Variants in ADIPOR2 observed in about 807,000 individuals in gnomAD.
ADIPOR2 encodes adiponectin receptor protein 2.
ADIPOR2 carries 18 observed loss-of-function variants against 40.9 expected under a neutral mutation model. The observed-to-expected ratio is 0.44, with a 90% confidence interval of 0.30 to 0.65. The LOEUF is 0.65. Ranked by LOEUF, ADIPOR2 falls within the 30% of genes least tolerant of loss-of-function variation. The pLI, the probability that ADIPOR2 is intolerant of heterozygous loss-of-function variation, is 0.09. For missense variants in ADIPOR2, 283 were observed against 479.2 expected (o/e 0.59, Z 3.82); for synonymous variants, 165 against 166.4 (o/e 0.99, Z 0.06).
intron 1 of ADIPOR2, among the ~76,000 whole-genome samples, chr12:1,741,685 A>G (rs2094743167): frequency 6.6e-6 from 1 of 152,234 alleles, no homozygotes. Context: ...GGGAATTCAT[A>G]GTTTGCCATA....
At chr12:1,731,817 G>A (rs1006267417) in intron 1 of ADIPOR2, among the ~76,000 whole-genome samples, 2 of 152,228 alleles carry the variant, frequency 1.3e-5, no homozygotes, top group East Asian at 1.9e-4. Context: ...AAAATTAGCC[G>A]GGCGTGGTGG....
rs1429122243 is a variant in ADIPOR2 at position 1,783,332 on chromosome 12, A to G, written c.839-548A>G. Among the ~76,000 whole-genome samples, 3 of 151,794 alleles carry G rather than the reference A, an allele frequency of 2.0e-5. No homozygotes were observed. In the East Asian group the frequency reaches 5.8e-4, roughly 29 times the overall value. Reference sequence around the variant, plus strand: ...CTGTCCTTTCCGAAAACATTTAGCAACATTAATTCAAAACCCTTGAAGACT... The same window carrying G: ...CTGTCCTTTCCGAAAACATTTAGCAGCATTAATTCAAAACCCTTGAAGACT... On this transcript the variant is annotated intron_variant, in intron 6 of 7. Coordinates refer to ENST00000357103, the MANE Select transcript of ADIPOR2 (RefSeq NM_024551.3).
chr12:1,756,623 G>A (rs1007778202), intron 2 of ADIPOR2, among the ~76,000 whole-genome samples: 1 of 151,994 alleles, frequency 6.6e-6, no homozygotes, highest in African/African-American at 2.4e-5. Flanking sequence ...CTGGCACGTG[G>A]GCAGCTTTTG....
chr12:1,759,995 C>T (rs1862233160), intron 2 of ADIPOR2, among the ~76,000 whole-genome samples: 1 of 151,898 alleles, frequency 6.6e-6, no homozygotes, highest in African/African-American at 2.4e-5. Context: ...CGCTGCACTC[C>T]AGCCTGGGTG....
chr12:1,770,565 C>T (rs562162500), intron 2 of ADIPOR2, among the ~76,000 whole-genome samples: 5 of 152,162 alleles, frequency 3.3e-5, no homozygotes, highest in Admixed American at 6.5e-5. Context: ...ATTTTAATTT[C>T]GTGTTTAATT....
At chr12:1,718,446 C>G (rs183285722) in intron 1 of ADIPOR2, among the ~76,000 whole-genome samples, 73 of 151,940 alleles carry the variant, frequency 4.8e-4, no homozygotes, top group African/African-American at 1.3e-3. Flanking sequence ...GGTGACAAAA[C>G]AAATTCAGAT....
intron 1 of ADIPOR2, among the ~76,000 whole-genome samples, chr12:1,747,076 C>A (rs1016373431): frequency 5.0e-5 from 7 of 140,576 alleles, no homozygotes; most frequent in Admixed American, 1.5e-4. Context: ...ATAAAAAAAA[C>A]AAAACAAAAC....
chr12:1,724,463 G>C (rs2094703930), intron 1 of ADIPOR2, among the ~76,000 whole-genome samples: 1 of 152,142 alleles, frequency 6.6e-6, no homozygotes, highest in African/African-American at 2.4e-5. Context: ...GAGACAGAAA[G>C]AATGGTAATT....
At chr12:1,747,626 G>A (rs767163998) in intron 1 of ADIPOR2, among the ~76,000 whole-genome samples, 2 of 151,970 alleles carry the variant, frequency 1.3e-5, no homozygotes, top group South Asian at 2.1e-4. Flanking sequence ...CTGTTTTATT[G>A]CTTTTTAAAA....
At chr12:1,760,457 C>T (rs1355824994) in intron 2 of ADIPOR2, among the ~76,000 whole-genome samples, 2 of 152,138 alleles carry the variant, frequency 1.3e-5, no homozygotes, top group Non-Finnish European at 2.9e-5. Flanking sequence ...CCTAAAGAAA[C>T]CTTAACCCAT....
chr12:1,752,091 T>C (rs1316747458), intron 1 of ADIPOR2, among the ~76,000 whole-genome samples: 1 of 151,326 alleles, frequency 6.6e-6, no homozygotes, highest in Non-Finnish European at 1.5e-5. Context: ...GTATTTTTAG[T>C]AGAGACTAAT....
Position 1,786,314 on chromosome 12 carries a change from T to A in ADIPOR2, c.*242T>A, listed in dbSNP as rs1862834113. 4.3e-6 allele frequency: 2 copies of A among 463,284 alleles called. No homozygotes were observed. Among genetic ancestry groups the A allele is most frequent in the African/African-American group, 2.0e-5 (1 of 50,944 alleles). 28.7% of individuals were successfully genotyped at this position (463,284 alleles called of 1,614,324 possible). ...AAGGAGACATAGCCCAAACCCTGGC[T>A]TATTCTTGGGATCTACTGATTGCGG... On this transcript the variant is annotated 3_prime_UTR_variant, in exon 8 of 8. Coordinates refer to ENST00000357103, the MANE Select transcript of ADIPOR2 (RefSeq NM_024551.3).
At chr12:1,757,686 A>G in intron 2 of ADIPOR2, 1 of 1,317,588 alleles carries the variant, frequency 7.6e-7, no homozygotes, top group Non-Finnish European at 1.1e-6. Flanking sequence ...TAGGATGTAC[A>G]GCAAAGCGAC....
intron 1 of ADIPOR2, among the ~76,000 whole-genome samples, chr12:1,728,822 G>A (rs752307637): frequency 6.6e-6 from 1 of 152,058 alleles, no homozygotes; most frequent in Non-Finnish European, 1.5e-5. Flanking sequence ...TGTGTTAGTA[G>A]AATAAAAATG....
chr12:1,699,581 G>A (rs376981171), intron 1 of ADIPOR2, among the ~76,000 whole-genome samples: 82 of 152,330 alleles, frequency 5.4e-4, no homozygotes, highest in African/African-American at 1.6e-3. Flanking sequence ...AACCCGGGAG[G>A]CAGAGGTTGC....
At chr12:1,735,477 A>T (rs1323506901) in intron 1 of ADIPOR2, among the ~76,000 whole-genome samples, 2 of 152,218 alleles carry the variant, frequency 1.3e-5, no homozygotes, top group Non-Finnish European at 2.9e-5. Flanking sequence ...GTTGCCTATC[A>T]GCTTAAGGAG....
At chr12:1,726,031 G>T (rs1295600698) in intron 1 of ADIPOR2, among the ~76,000 whole-genome samples, 1 of 152,064 alleles carries the variant, frequency 6.6e-6, no homozygotes, top group African/African-American at 2.4e-5. Flanking sequence ...ATCTCTCCTG[G>T]ATTAGTGTTA....
intron 1 of ADIPOR2, among the ~76,000 whole-genome samples, chr12:1,706,327 A>G (rs995090319): frequency 3.3e-5 from 5 of 152,238 alleles, no homozygotes; most frequent in South Asian, 2.1e-4. Context: ...GGTAACTTCT[A>G]TTAATAAAAT....
At chr12:1,743,498 C>A (rs1029206904) in intron 1 of ADIPOR2, among the ~76,000 whole-genome samples, 3 of 152,018 alleles carry the variant, frequency 2.0e-5, no homozygotes, top group African/African-American at 7.2e-5. Flanking sequence ...GAGTGAGACT[C>A]CAGTGCTACA....
Sources: gnomAD v4.1 joint callset for allele counts (sites outside exome capture counted in the v4.1 genomes callset) on GRCh38, gnomAD v4.1.1 for gene constraint, MANE v1.5 for transcripts, NCBI Gene and HGNC (gene_info 2026-07-23, HGNC 2026-07-21) for gene names.